Variants in TNNI3K observed in about 807,000 individuals in gnomAD.
The protein encoded by TNNI3K is TNNI3 interacting kinase.
Under a neutral mutation model 114.5 loss-of-function variants are expected in TNNI3K, and 140 were observed. The observed-to-expected ratio is 1.22, with a 90% CI of 1.07 to 1.41. TNNI3K has a LOEUF of 1.41. Among genes scored for constraint, TNNI3K ranks in the 40% most tolerant of loss-of-function variants. The pLI, the probability that TNNI3K is intolerant of heterozygous loss-of-function variation, is 0.00. For synonymous variants in TNNI3K, 347 were observed against 347.5 expected, an observed-to-expected ratio of 1.00 and a Z score of 0.02; for missense variants, 1,125 against 1,007.6, an observed-to-expected ratio of 1.12 and a Z score of -1.58.
chr1:74,437,825 G>T (rs1265941594), intron 19 of TNNI3K, among the ~76,000 whole-genome samples: 1 of 151,798 alleles, frequency 6.6e-6, no homozygotes, highest in Non-Finnish European at 1.5e-5. Context: ...GCCCGAATCT[G>T]ATCCCCAGAA....
chr1:74,446,174 T>A (rs1371908884), intron 20 of TNNI3K, among the ~76,000 whole-genome samples: 1 of 152,126 alleles, frequency 6.6e-6, no homozygotes, highest in Non-Finnish European at 1.5e-5. Context: ...AAAGTGTTCC[T>A]GTTTCTCCAC....
intron 17 of TNNI3K, among the ~76,000 whole-genome samples, chr1:74,391,069 G>A (rs898769940): frequency 6.6e-6 from 1 of 151,718 alleles, no homozygotes; most frequent in Non-Finnish European, 1.5e-5. Flanking sequence ...TATGTCCTGT[G>A]GGCCATTTTT....
Position 74,323,716 on chromosome 1 carries a change from G to A in TNNI3K, c.445-7734G>A, listed in dbSNP as rs531603527. 3.9e-5 allele frequency among the ~76,000 whole-genome samples: 6 copies of A among 152,120 alleles called. No homozygotes were observed. In the South Asian group the frequency reaches 1.2e-3, roughly 32 times the overall value. On this transcript the variant is annotated intron_variant, in intron 5 of 24. Transcript: ENST00000326637. ...GTAGTCTTAGATGAAATCAATCAAG[G>A]ATATGTAGAGCAAAATATCTATAGC...
rs6665092 is a variant in TNNI3K at position 74,275,100 on chromosome 1, A to C, written c.444+3392A>C. Among the ~76,000 whole-genome samples, 21 of 152,040 alleles carry C rather than the reference A, an allele frequency of 1.4e-4. No homozygotes were observed. The South Asian group carries it at 2.5e-3, about 18-fold the overall frequency. On this transcript the variant is annotated intron_variant, in intron 5 of 24. Transcript: ENST00000326637. ...GAGAAAATGTCAGAGAACACAAAAT[A>C]GAAGAGTTAAGAGTTCAGTGAGGAT...
rs554486388 is a variant in TNNI3K, at chr1:74,540,318, G to C, written c.2431+5G>C. 1 of 1,610,456 alleles carries C rather than the reference G, an allele frequency of 6.2e-7. No individual in the cohort carries two copies. Among genetic ancestry groups the C allele is most frequent in the East Asian group, 2.2e-5 (1 of 44,632 alleles). On this transcript the variant is annotated splice_donor_5th_base_variant and intron_variant, in intron 24 of 24. Coordinates refer to ENST00000326637, the MANE Select transcript of TNNI3K (RefSeq NM_015978.3). ...ACACACCCATTGACAAATATGGTAA[G>C]TAGGCAGATTCTTTAGGTTTGTTAA...
At chr1:74,454,164 A>G (rs1667136322) in intron 20 of TNNI3K, among the ~76,000 whole-genome samples, 1 of 152,176 alleles carries the variant, frequency 6.6e-6, no homozygotes, top group South Asian at 2.1e-4. Flanking sequence ...GTAATGATCA[A>G]ACCAGAATAA....
intron 17 of TNNI3K, among the ~76,000 whole-genome samples, chr1:74,406,172 T>C (rs568255175): frequency 5.9e-5 from 9 of 152,332 alleles, no homozygotes; most frequent in African/African-American, 2.2e-4. Context: ...CCCTGTTTCC[T>C]TTCTGGCTAT....
chr1:74,247,007 A>G (rs1654603028), intron 2 of TNNI3K, among the ~76,000 whole-genome samples: 1 of 152,192 alleles, frequency 6.6e-6, no homozygotes. Context: ...CAATTATAAA[A>G]TGAGTAAAAT....
chr1:74,340,720 C>G (rs1049403765), intron 7 of TNNI3K, among the ~76,000 whole-genome samples: 2 of 152,136 alleles, frequency 1.3e-5, no homozygotes, highest in Non-Finnish European at 2.9e-5. Flanking sequence ...TTGCATTTTT[C>G]CTTCTGAACC....
chr1:74,537,274 T>C (rs1490917842), intron 23 of TNNI3K, among the ~76,000 whole-genome samples: 1 of 152,158 alleles, frequency 6.6e-6, no homozygotes, highest in Non-Finnish European at 1.5e-5. Flanking sequence ...TCTAAAGAAG[T>C]TAGGTATATT....
intron 4 of TNNI3K, among the ~76,000 whole-genome samples, chr1:74,262,553 T>C (rs1655742017): frequency 6.6e-6 from 1 of 150,776 alleles, no homozygotes; most frequent in African/African-American, 2.4e-5. Flanking sequence ...AAAAAAAAAC[T>C]CAAAAAAAAA....
chr1:74,431,608 G>A (rs374645575), intron 17 of TNNI3K, among the ~76,000 whole-genome samples: 1 of 152,058 alleles, frequency 6.6e-6, no homozygotes, highest in African/African-American at 2.4e-5. Context: ...GAGCTGAGGA[G>A]ACTAAGGAGC....
chr1:74,525,979 A>G (rs1646499724), intron 23 of TNNI3K, among the ~76,000 whole-genome samples: 1 of 152,210 alleles, frequency 6.6e-6, no homozygotes, highest in South Asian at 2.1e-4. Flanking sequence ...TACACAGAGG[A>G]GGAGAGGAAA....
chr1:74,253,097 G>C (rs766086693), intron 4 of TNNI3K, among the ~76,000 whole-genome samples: 7 of 152,164 alleles, frequency 4.6e-5, no homozygotes, highest in Non-Finnish European at 7.3e-5. Context: ...CACTAGATTA[G>C]CTAGATACAG....
chr1:74,498,616 G>A (rs527691699), intron 23 of TNNI3K, among the ~76,000 whole-genome samples: 1 of 152,152 alleles, frequency 6.6e-6, no homozygotes, highest in East Asian at 1.9e-4. Context: ...CAATTTAAGT[G>A]AGTAAAACTC....
intron 5 of TNNI3K, among the ~76,000 whole-genome samples, chr1:74,319,356 T>C (rs1659484417): frequency 2.0e-5 from 3 of 152,334 alleles, no homozygotes; most frequent in Admixed American, 2.0e-4. Context: ...AAGTGACATT[T>C]TATAACTTTT....
At chr1:74,435,535 A>G (rs972718600) in intron 17 of TNNI3K, among the ~76,000 whole-genome samples, 2 of 152,036 alleles carry the variant, frequency 1.3e-5, no homozygotes, top group African/African-American at 4.8e-5. Flanking sequence ...TCAAAACCTT[A>G]AAAAGTGGTT....
chr1:74,305,527 A>G (rs933102231), intron 5 of TNNI3K, among the ~76,000 whole-genome samples: 1 of 152,180 alleles, frequency 6.6e-6, no homozygotes, highest in Non-Finnish European at 1.5e-5. Flanking sequence ...CTTGCAAAGC[A>G]ACTAGTCGTT....
intron 23 of TNNI3K, among the ~76,000 whole-genome samples, chr1:74,531,445 C>G (rs1276376529): frequency 2.0e-5 from 3 of 152,130 alleles, no homozygotes; most frequent in Non-Finnish European, 2.9e-5. Flanking sequence ...TCATCTTACT[C>G]TTTAGGCCAG....
Sources: allele counts gnomAD v4.1 joint callset (sites outside exome capture counted in the v4.1 genomes callset), GRCh38; gene constraint gnomAD v4.1.1; transcripts MANE v1.5; gene names NCBI Gene and HGNC (gene_info 2026-07-23, HGNC 2026-07-21).